The following TBCK variants were observed in gnomAD, a reference collection of about 807,000 sequenced individuals.
The protein encoded by TBCK is TBC1 domain containing kinase, also known as TBC domain-containing protein kinase-like protein.
TBCK carries 99 observed loss-of-function variants against 113.4 expected under a neutral mutation model. The ratio of observed to expected loss-of-function variants is 0.87; its 90% CI spans 0.74 to 1.03. TBCK has a LOEUF of 1.03. Ranked by LOEUF, TBCK falls within the 50% of genes least tolerant of loss-of-function variation. TBCK has a pLI of 0.00. For missense variants in TBCK, 1,045 were observed against 1,061.3 expected, an observed-to-expected ratio of 0.98 and a Z score of 0.21; for synonymous variants, 369 against 370.8, an observed-to-expected ratio of 1.00 and a Z score of 0.05.
chr4:106,216,342 C>G (rs1560839056), intron 19 of TBCK, among the ~76,000 whole-genome samples: 1 of 151,734 alleles, frequency 6.6e-6, no homozygotes, highest in Non-Finnish European at 1.5e-5. Context: ...CAAAAGCTAG[C>G]AGAAGGCAAG....
At chr4:106,195,656 T>C (rs1754148093) in intron 20 of TBCK, among the ~76,000 whole-genome samples, 1 of 152,022 alleles carries the variant, frequency 6.6e-6, no homozygotes, top group Non-Finnish European at 1.5e-5. Context: ...GCCTCTTCTT[T>C]TCTACCTCAC....
At position 106,052,386 on chromosome 4, in the gene TBCK, A is replaced by G. The variant is rs553801978; in HGVS notation, c.2572-5706T>C. Among the ~76,000 whole-genome samples the G allele has an allele frequency of 3.9e-5, 6 of 152,000 alleles. No individual in the cohort carries two copies. In the South Asian group the frequency reaches 8.3e-4, roughly 21 times the overall value. On this transcript the variant is annotated intron_variant, in intron 25 of 25. Coordinates refer to ENST00000394708, the MANE Select transcript of TBCK (RefSeq NM_001163435.3). Reference sequence around the variant, plus strand: ...TTTAAAAAGTGGGAGAGTCTAGAAGAATAGTCATTACATGGTCCAGCTTTC... The same window carrying G: ...TTTAAAAAGTGGGAGAGTCTAGAAGGATAGTCATTACATGGTCCAGCTTTC...
intron 23 of TBCK, among the ~76,000 whole-genome samples, chr4:106,119,122 A>G (rs1032843523): frequency 1.3e-5 from 2 of 152,206 alleles, no homozygotes; most frequent in Non-Finnish European, 2.9e-5. Context: ...AGAGGCATAA[A>G]AGTAAAACTG....
chr4:106,104,042 G>C (rs1394916531), intron 24 of TBCK, among the ~76,000 whole-genome samples: 2 of 152,210 alleles, frequency 1.3e-5, no homozygotes, highest in African/African-American at 2.4e-5. Context: ...TCAGTCTTCA[G>C]TCTGACGGAC....
intron 23 of TBCK, among the ~76,000 whole-genome samples, chr4:106,153,952 T>G (rs893693528): frequency 6.6e-6 from 1 of 152,132 alleles, no homozygotes; most frequent in Non-Finnish European, 1.5e-5. Flanking sequence ...TGTGTCTTTA[T>G]AGGTGAAGTG....
intron 23 of TBCK, among the ~76,000 whole-genome samples, chr4:106,139,467 A>G (rs1386336811): frequency 7.0e-6 from 1 of 141,878 alleles, no homozygotes; most frequent in African/African-American, 2.5e-5. Flanking sequence ...ATTTTAAATG[A>G]GAAGGAAGAG....
intron 5 of TBCK, among the ~76,000 whole-genome samples, chr4:106,259,454 A>C (rs1762297980): frequency 6.6e-6 from 1 of 151,936 alleles, no homozygotes. Flanking sequence ...TCTAGGTTAG[A>C]TAATAATACT....
intron 1 of TBCK, among the ~76,000 whole-genome samples, chr4:106,313,284 T>C (rs554353441): frequency 6.6e-6 from 1 of 151,960 alleles, no homozygotes; most frequent in East Asian, 1.9e-4. Flanking sequence ...GTGCCTGTGA[T>C]CCCAGATACT....
chr4:106,184,410 C>T (rs1330708367), intron 22 of TBCK, among the ~76,000 whole-genome samples: 1 of 151,906 alleles, frequency 6.6e-6, no homozygotes, highest in Non-Finnish European at 1.5e-5. Flanking sequence ...AAGTGACTTA[C>T]CAGGACAAGG....
At chr4:106,292,624 T>C (rs566226409) in intron 3 of TBCK, among the ~76,000 whole-genome samples, 2 of 151,474 alleles carry the variant, frequency 1.3e-5, no homozygotes, top group Admixed American at 1.3e-4. Flanking sequence ...TGCAGCTCTG[T>C]GAGGAGATGG....
chr4:106,067,381 C>A lies in TBCK; in HGVS notation c.2572-20701G>T, dbSNP rs1736772082. 1.3e-5 allele frequency among the ~76,000 whole-genome samples: 2 copies of A among 152,004 alleles called. 1 individual carries two copies. Among genetic ancestry groups the A allele is most frequent in the South Asian group, 4.1e-4 (2 of 4,824 alleles). On this transcript the variant is annotated intron_variant, in intron 25 of 25. Coordinates refer to ENST00000394708, the MANE Select transcript of TBCK (RefSeq NM_001163435.3). ...TGAATAGAAATACAACTGATTTTTG[C>A]ATATTGATTTTGTATTCTGGTATTA...
At chr4:106,096,131 A>C (rs1740874388) in intron 24 of TBCK, among the ~76,000 whole-genome samples, 1 of 152,170 alleles carries the variant, frequency 6.6e-6, no homozygotes, top group Admixed American at 6.5e-5. Flanking sequence ...TGTTTAGTTG[A>C]AGTTTTCTAG....
chr4:106,104,773 A>T (rs1741948063), intron 24 of TBCK, among the ~76,000 whole-genome samples: 2 of 152,370 alleles, frequency 1.3e-5, no homozygotes, highest in South Asian at 4.1e-4. Flanking sequence ...CCTCCCTGGG[A>T]CAAAGCTCCC....
intron 23 of TBCK, among the ~76,000 whole-genome samples, chr4:106,166,908 T>C (rs1248448601): frequency 6.6e-6 from 1 of 151,176 alleles, no homozygotes; most frequent in Non-Finnish European, 1.5e-5. Context: ...AATAATTGTC[T>C]CAATAAAGAG....
chr4:106,155,442 C>G (rs1749011865), intron 23 of TBCK, among the ~76,000 whole-genome samples: 2 of 152,066 alleles, frequency 1.3e-5, no homozygotes, highest in Non-Finnish European at 2.9e-5. Context: ...TCATTAACAT[C>G]CTTTTTATTC....
chr4:106,070,405 GT>G (rs1251260515), intron 25 of TBCK, among the ~76,000 whole-genome samples: 2 of 152,092 alleles, frequency 1.3e-5, no homozygotes, highest in Non-Finnish European at 1.5e-5. Context: ...TAATCATGTG[GT>G]TTTTGTCTTT....
chr4:106,212,827 T>C lies in TBCK; in HGVS notation c.1783A>G (p.Thr595Ala). ...DNSHVIQEYL[T>A]VFSQMIAFHD... is the part of the protein sequence containing the mutation. ...AATGCAATCATCTGAGAGAAGACAG[T>C]CAGATACTCTGAAATTACAAAGTTT... Residue 595 changes from threonine (T) to alanine (A), a missense_variant, in exon 20 of 26, where the codon ACT becomes GCT. Transcript: ENST00000394708. The C allele has an allele frequency of 6.2e-7, 1 of 1,609,344 alleles. No individual in the cohort carries two copies. Among genetic ancestry groups the C allele is most frequent in the Non-Finnish European group, 8.5e-7 (1 of 1,176,772 alleles).
chr4:106,095,765 T>G, intron 24 of TBCK, 124 bp from the exon 25 acceptor site: 1 of 759,648 alleles, frequency 1.3e-6, no homozygotes, highest in Non-Finnish European at 1.9e-6. Context: ...TGTGAGTATT[T>G]TATCTAAATG....
At chr4:106,193,482 A>G in intron 22 of TBCK, 127 bp downstream of exon 22, 6 of 870,922 alleles carry the variant, frequency 6.9e-6, no homozygotes, top group Non-Finnish European at 5.3e-6. Flanking sequence ...GAATCCAGAG[A>G]GGATGATGAG....
Sources: gnomAD v4.1 joint callset for allele counts (sites outside exome capture counted in the v4.1 genomes callset) on GRCh38, gnomAD v4.1.1 for gene constraint, MANE v1.5 for transcripts, NCBI Gene and HGNC (gene_info 2026-07-23, HGNC 2026-07-21) for gene names.